Variants in UNC5D observed in about 807,000 individuals in gnomAD.
UNC5D encodes netrin receptor UNC5D.
UNC5D carries 39 observed loss-of-function variants against 105.4 expected under a neutral mutation model. The observed-to-expected ratio is 0.37, with a 90% CI of 0.29 to 0.48. UNC5D has a LOEUF of 0.48. Ranked by LOEUF, UNC5D falls within the 20% of genes least tolerant of loss-of-function variation. UNC5D has a pLI of 0.98. For synonymous variants in UNC5D, 452 were observed against 450.4 expected (o/e 1.00, Z -0.04); for missense variants, 991 against 1,202.4 (o/e 0.82, Z 2.60).
chr8:35,740,018 G>C (rs55767610), intron 11 of UNC5D, among the ~76,000 whole-genome samples: 2,230 of 152,254 alleles, frequency 0.015, 30 homozygotes, highest in Non-Finnish European at 0.023. Context: ...AATTACGGTG[G>C]GTGTTCTGGA....
At chr8:35,748,752 A>G (rs1164619467) in intron 12 of UNC5D, 57 bp downstream of exon 12, 3 of 1,561,032 alleles carry the variant, frequency 1.9e-6, no homozygotes, top group Non-Finnish European at 2.6e-6. Flanking sequence ...CCTATGGGAT[A>G]TATTTAACCT....
intron 5 of UNC5D, 34 bp downstream of exon 5, chr8:35,683,761 G>A (rs775892352): frequency 6.9e-7 from 1 of 1,453,658 alleles, no homozygotes; most frequent in South Asian, 1.6e-5. Context: ...AATGGATAGG[G>A]AGGGCAGAAA....
At chr8:35,504,235 C>T (rs534293839) in intron 1 of UNC5D, among the ~76,000 whole-genome samples, 63 of 152,204 alleles carry the variant, frequency 4.1e-4, no homozygotes, top group African/African-American at 1.5e-3. Flanking sequence ...CTGGATCAGC[C>T]CTGACCTGCC....
At chr8:35,290,904 T>C (rs1354502638) in intron 1 of UNC5D, among the ~76,000 whole-genome samples, 2 of 147,816 alleles carry the variant, frequency 1.4e-5, no homozygotes, top group Admixed American at 6.9e-5. Flanking sequence ...GCTGAGATCG[T>C]GTCATTGCAC....
rs372226500 is a variant in UNC5D at position 35,476,933 on chromosome 8, C to A, written c.104-72359C>A. Among the ~76,000 whole-genome samples, 7 of 152,330 alleles carry A rather than the reference C, an allele frequency of 4.6e-5. No homozygotes were observed. The South Asian group carries it at 1.4e-3, about 32-fold the overall frequency. On this transcript the variant is annotated intron_variant, in intron 1 of 16. Transcript: ENST00000404895. The stretch of plus-strand genomic sequence containing the variant: ...TTGATTTCCATTCTGCTTCCCCCAG[C>A]CTTCTTTGCTCCTAGACTTAGGTTC...
At position 35,300,524 on chromosome 8, in the gene UNC5D, AAAT is replaced by A. The variant is rs1158020668; in HGVS notation, c.103+64640_103+64642del. On this transcript the variant is annotated intron_variant, in intron 1 of 16. Coordinates refer to ENST00000404895, the MANE Select transcript of UNC5D (RefSeq NM_080872.4). ...AGTAATGTTTCATCTATTTAAAAATAAATAAAATTAACCAAGAAACCAAAGGGA... is the reference window on the plus strand; with the variant it reads ...AGTAATGTTTCATCTATTTAAAAATAAAAATTAACCAAGAAACCAAAGGGA... Among the ~76,000 whole-genome samples the A allele has an allele frequency of 3.3e-5, 5 of 149,684 alleles. No homozygotes were observed. The South Asian group carries it at 1.1e-3, about 32-fold the overall frequency.
At chr8:35,655,523 A>G (rs1399691726) in intron 4 of UNC5D, among the ~76,000 whole-genome samples, 1 of 152,224 alleles carries the variant, frequency 6.6e-6, no homozygotes, top group Non-Finnish European at 1.5e-5. Flanking sequence ...AGGAAAAGCA[A>G]TCTGGTCATC....
intron 3 of UNC5D, among the ~76,000 whole-genome samples, chr8:35,586,121 A>T (rs1185072685): frequency 6.6e-6 from 1 of 152,062 alleles, no homozygotes; most frequent in Non-Finnish European, 1.5e-5. Flanking sequence ...TAAAAATACA[A>T]AAATTATCCA....
intron 7 of UNC5D, among the ~76,000 whole-genome samples, chr8:35,692,808 A>G (rs1349674625): frequency 3.3e-5 from 5 of 152,222 alleles, no homozygotes; most frequent in African/African-American, 1.2e-4. Context: ...TCTCCCAAGT[A>G]CTTTTAATTT....
At chr8:35,450,769 G>A (rs1808095853) in intron 1 of UNC5D, among the ~76,000 whole-genome samples, 2 of 152,092 alleles carry the variant, frequency 1.3e-5, no homozygotes, top group Non-Finnish European at 2.9e-5. Context: ...ACCATAATTT[G>A]AGTACCCATA....
chr8:35,607,183 G>T (rs533852383), intron 4 of UNC5D, among the ~76,000 whole-genome samples: 2 of 152,254 alleles, frequency 1.3e-5, no homozygotes, highest in South Asian at 4.1e-4. Flanking sequence ...AAAATATTTG[G>T]GAGAGCTGTG....
chr8:35,707,212 G>A (rs1192415657), intron 8 of UNC5D, among the ~76,000 whole-genome samples: 1 of 152,146 alleles, frequency 6.6e-6, no homozygotes, highest in Non-Finnish European at 1.5e-5. Flanking sequence ...CAAGACATGA[G>A]GGAAAAATCC....
At chr8:35,437,059 C>G (rs887724711) in intron 1 of UNC5D, among the ~76,000 whole-genome samples, 2 of 151,658 alleles carry the variant, frequency 1.3e-5, no homozygotes, top group Non-Finnish European at 2.9e-5. Context: ...CGGCTAGTCT[C>G]GAACCACTGG....
chr8:35,355,717 G>A (rs1198903676), intron 1 of UNC5D, among the ~76,000 whole-genome samples: 1 of 152,050 alleles, frequency 6.6e-6, no homozygotes, highest in Non-Finnish European at 1.5e-5. Context: ...AGGGCTCTTA[G>A]GAAGTGATTA....
chr8:35,754,502 T>C (rs117932547), intron 13 of UNC5D, among the ~76,000 whole-genome samples: 2 of 152,294 alleles, frequency 1.3e-5, no homozygotes, highest in East Asian at 3.9e-4. Context: ...ACTTCATTCA[T>C]GTCTCACTGG....
chr8:35,671,463 T>C (rs995330782), intron 4 of UNC5D, among the ~76,000 whole-genome samples: 1 of 152,206 alleles, frequency 6.6e-6, no homozygotes, highest in African/African-American at 2.4e-5. Flanking sequence ...TGTAATAAAA[T>C]AGCAGTTGAT....
chr8:35,614,477 T>G (rs2130995930), intron 4 of UNC5D, among the ~76,000 whole-genome samples: 1 of 152,210 alleles, frequency 6.6e-6, no homozygotes, highest in South Asian at 2.1e-4. Context: ...CCACATAAAC[T>G]TTGCTTTGAG....
At chr8:35,533,101 C>T (rs1205777404) in intron 1 of UNC5D, among the ~76,000 whole-genome samples, 1 of 151,558 alleles carries the variant, frequency 6.6e-6, no homozygotes, top group Non-Finnish European at 1.5e-5. Context: ...GAACTGCGTT[C>T]CTTTGGAGGA....
intron 1 of UNC5D, among the ~76,000 whole-genome samples, chr8:35,360,846 T>C (rs1247018291): frequency 6.6e-6 from 1 of 152,158 alleles, no homozygotes; most frequent in African/African-American, 2.4e-5. Flanking sequence ...ACTGACAATG[T>C]GTAGTTTAAA....
Sources: allele counts gnomAD v4.1 joint callset (sites outside exome capture counted in the v4.1 genomes callset), GRCh38; gene constraint gnomAD v4.1.1; transcripts MANE v1.5; gene names NCBI Gene and HGNC (gene_info 2026-07-23, HGNC 2026-07-21).